ST6GALNAC3: variants seen among roughly 807,000 people sequenced by gnomAD.
ST6GALNAC3 encodes ST6 N-acetylgalactosaminide alpha-2,6-sialyltransferase 3.
A neutral mutation model predicts 32.7 loss-of-function variants in ST6GALNAC3; 25 were observed. The ratio of observed to expected loss-of-function variants is 0.76; its 90% CI spans 0.56 to 1.07. The LOEUF (loss-of-function observed/expected upper bound fraction) is 1.07. Ranked by LOEUF, ST6GALNAC3 falls within the 50% of genes least tolerant of loss-of-function variation. The pLI is 0.00. For missense variants in ST6GALNAC3, 355 were observed against 382.4 expected (o/e 0.93, Z 0.60); for synonymous variants, 129 against 133.1 (o/e 0.97, Z 0.21).
At chr1:76,159,145 GGAGTT>G (rs1365047347) in intron 1 of ST6GALNAC3, among the ~76,000 whole-genome samples, 4 of 152,038 alleles carry the variant, frequency 2.6e-5, no homozygotes, top group Non-Finnish European at 4.4e-5. Context: ...TTAGTTATGG[GGAGTT>G]AAGTTGGGAA....
At chr1:76,083,344 C>G (rs917127548) in intron 1 of ST6GALNAC3, among the ~76,000 whole-genome samples, 1 of 152,242 alleles carries the variant, frequency 6.6e-6, no homozygotes, top group Non-Finnish European at 1.5e-5. Context: ...CTGTTTGCTG[C>G]GCGGCTGGCC....
chr1:76,610,851 A>G (rs144026897), intron 3 of ST6GALNAC3, among the ~76,000 whole-genome samples: 119 of 152,252 alleles, frequency 7.8e-4, no homozygotes, highest in Non-Finnish European at 1.6e-3. Flanking sequence ...CTTTCCTGGT[A>G]TGGGGATTAC....
At chr1:76,562,445 C>G (rs1665298507) in intron 3 of ST6GALNAC3, among the ~76,000 whole-genome samples, 1 of 152,062 alleles carries the variant, frequency 6.6e-6, no homozygotes, top group Non-Finnish European at 1.5e-5. Context: ...GGAACAAATG[C>G]AGGATGATGT....
intron 2 of ST6GALNAC3, among the ~76,000 whole-genome samples, chr1:76,382,842 A>G (rs560679856): frequency 6.6e-6 from 1 of 152,342 alleles, no homozygotes; most frequent in Non-Finnish European, 1.5e-5. Flanking sequence ...CAGAAGTAAC[A>G]TTTGAATCTC....
At chr1:76,540,660 T>C (rs1188054320) in intron 3 of ST6GALNAC3, among the ~76,000 whole-genome samples, 1 of 152,170 alleles carries the variant, frequency 6.6e-6, no homozygotes, top group Admixed American at 6.6e-5. Context: ...TTATATGGTA[T>C]AAATTGTGAT....
At position 76,631,056 on chromosome 1, in the gene ST6GALNAC3, C is replaced by T; in HGVS notation, c.*2250C>T. On this transcript the variant is annotated 3_prime_UTR_variant, in exon 5 of 5. Coordinates refer to ENST00000328299, the MANE Select transcript of ST6GALNAC3 (RefSeq NM_152996.4). The stretch of plus-strand genomic sequence containing the variant: ...TGAGAAACATTTGAAAACTTGCTTG[C>T]TCTCCTGCCTCGTTGTAGCTTTCTC... 1.0e-6 allele frequency: 1 copy of T among 983,814 alleles called. No homozygotes were observed. The highest frequency in any genetic ancestry group is 1.2e-6 in the Non-Finnish European group (1 of 828,410). The allele number at this position is 983,814 out of a possible 1,614,324, so 60.9% of individuals were successfully genotyped here.
At chr1:76,563,765 C>T (rs1665386605) in intron 3 of ST6GALNAC3, among the ~76,000 whole-genome samples, 1 of 152,092 alleles carries the variant, frequency 6.6e-6, no homozygotes. Context: ...AAGTCTTTCT[C>T]CATAGAAAAA....
chr1:76,417,213 TTTTC>T (rs1213669298), intron 3 of ST6GALNAC3, among the ~76,000 whole-genome samples: 9 of 151,476 alleles, frequency 5.9e-5, no homozygotes, highest in Admixed American at 1.3e-4. Context: ...GTTGTTTTTT[TTTTC>T]TTTCTTTCTT....
chr1:76,181,485 A>G (rs1653175063), intron 1 of ST6GALNAC3, among the ~76,000 whole-genome samples: 1 of 144,938 alleles, frequency 6.9e-6, no homozygotes, highest in East Asian at 1.9e-4. Context: ...AAAATTAAAT[A>G]TAACTATGAA....
At chr1:76,118,302 T>G (rs1268954767) in intron 1 of ST6GALNAC3, among the ~76,000 whole-genome samples, 1 of 152,250 alleles carries the variant, frequency 6.6e-6, no homozygotes, top group African/African-American at 2.4e-5. Flanking sequence ...GGATATTATT[T>G]TGTAAAGCAG....
rs552841081 is a variant in ST6GALNAC3, at chr1:76,576,859, T to C, written c.624-50593T>C. 9 of 1,304,856 alleles carry C rather than the reference T, an allele frequency of 6.9e-6. No homozygotes were observed. The East Asian group carries it at 5.0e-4, about 72-fold the overall frequency. 80.8% of individuals were successfully genotyped at this position (1,304,856 alleles called of 1,614,324 possible). On this transcript the variant is annotated intron_variant, in intron 3 of 4. Coordinates refer to ENST00000328299, the MANE Select transcript of ST6GALNAC3 (RefSeq NM_152996.4). The stretch of plus-strand genomic sequence containing the variant: ...CATGATATCCAGTACAGAGTGACCA[T>C]GCAGTGTTGATTGATCGAACAGCAA...
In ST6GALNAC3 at chr1:76,414,476, T is replaced by C. The variant is rs1205500720; in HGVS notation, c.623+2059T>C. 2.0e-5 allele frequency among the ~76,000 whole-genome samples: 3 copies of C among 152,100 alleles called. No individual in the cohort carries two copies. The East Asian group carries it at 5.8e-4, about 29-fold the overall frequency. On this transcript the variant is annotated intron_variant, in intron 3 of 4. Coordinates refer to ENST00000328299, the MANE Select transcript of ST6GALNAC3 (RefSeq NM_152996.4). Reference sequence around the variant, plus strand: ...ACCTCAGAAGCTGCTGTTCCCAATCTATATCCTAACCCCATCTATGTTAAA... The same window carrying C: ...ACCTCAGAAGCTGCTGTTCCCAATCCATATCCTAACCCCATCTATGTTAAA...
intron 3 of ST6GALNAC3, among the ~76,000 whole-genome samples, chr1:76,443,090 C>T (rs1386279435): frequency 2.0e-5 from 3 of 152,148 alleles, no homozygotes; most frequent in Admixed American, 2.0e-4. Flanking sequence ...GGAGGAGCAC[C>T]AAACTTGGTT....
chr1:76,603,812 A>G (rs1647357562), intron 3 of ST6GALNAC3, among the ~76,000 whole-genome samples: 1 of 152,314 alleles, frequency 6.6e-6, no homozygotes, highest in East Asian at 1.9e-4. Context: ...AGCTGGGACT[A>G]CAGGCACAGC....
At chr1:76,342,822 T>C (rs1648165918) in intron 2 of ST6GALNAC3, among the ~76,000 whole-genome samples, 1 of 152,094 alleles carries the variant, frequency 6.6e-6, no homozygotes. Flanking sequence ...CTCTGATGAT[T>C]AGCAATGTTG....
At chr1:76,317,617 A>T (rs375587657) in intron 2 of ST6GALNAC3, among the ~76,000 whole-genome samples, 5 of 152,274 alleles carry the variant, frequency 3.3e-5, no homozygotes, top group African/African-American at 1.2e-4. Context: ...GTTTCTGGAA[A>T]TTACTAAACT....
intron 1 of ST6GALNAC3, among the ~76,000 whole-genome samples, chr1:76,225,455 G>C (rs1219208389): frequency 1.3e-5 from 2 of 152,118 alleles, no homozygotes; most frequent in African/African-American, 2.4e-5. Context: ...ATGAGAAACA[G>C]AGCTGTGAGG....
intron 3 of ST6GALNAC3, among the ~76,000 whole-genome samples, chr1:76,488,914 C>T (rs951583946): frequency 9.2e-5 from 14 of 152,190 alleles, no homozygotes; most frequent in African/African-American, 3.1e-4. Context: ...GGGCAAGCTC[C>T]ACTCATAGAA....
At position 76,354,810 on chromosome 1, in the gene ST6GALNAC3, G is replaced by A. The variant is rs143048224; in HGVS notation, c.213+40811G>A. Among the ~76,000 whole-genome samples the A allele has an allele frequency of 1.7e-3, 264 of 152,290 alleles. 1 individual carries two copies. Among genetic ancestry groups the A allele is most frequent in the African/African-American group, 6.1e-3 (255 of 41,574 alleles). On this transcript the variant is annotated intron_variant, in intron 2 of 4. Coordinates refer to ENST00000328299, the MANE Select transcript of ST6GALNAC3 (RefSeq NM_152996.4). ...ATTCCACGTTTATCTACATTCAGCT[G>A]TCAGGTTGGTTATTTAACCATTCCG...
Sources: gnomAD v4.1 joint callset for allele counts (sites outside exome capture counted in the v4.1 genomes callset) on GRCh38, gnomAD v4.1.1 for gene constraint, MANE v1.5 for transcripts, NCBI Gene and HGNC (gene_info 2026-07-23, HGNC 2026-07-21) for gene names.